The following VTCN1 variants were observed in gnomAD, a reference collection of about 807,000 sequenced individuals.
The protein encoded by VTCN1 is V-set domain containing T cell activation inhibitor 1.
Under a neutral mutation model 26.5 loss-of-function variants are expected in VTCN1, and 26 were observed. That is an observed-to-expected ratio of 0.98 (90% CI 0.72 to 1.36). The LOEUF is 1.36. VTCN1 is among the 40% of genes most tolerant of loss of function. The pLI, the probability that VTCN1 is intolerant of heterozygous loss-of-function variation, is 0.00. For synonymous variants in VTCN1, 116 were observed against 130.7 expected, an observed-to-expected ratio of 0.89 and a Z score of 0.77; for missense variants, 298 against 337.7, an observed-to-expected ratio of 0.88 and a Z score of 0.92.
chr1:117,159,731 A>G lies in VTCN1; in HGVS notation c.98-2810T>C, dbSNP rs931018273. On this transcript the variant is annotated intron_variant, in intron 2 of 5. Coordinates refer to ENST00000369458, the MANE Select transcript of VTCN1 (RefSeq NM_024626.4). This position sits in a 1 kb window ranked among gnomAD's most constrained non-coding sequence, Gnocchi z 4.7. The stretch of plus-strand genomic sequence containing the variant: ...GTCATTCTGAAAAATGCTGAATTCT[A>G]AAGTGCTGTAACTTTTATTTCTGTT... Among the ~76,000 whole-genome samples the G allele has an allele frequency of 2.0e-5, 3 of 152,236 alleles. No homozygotes were observed. Among genetic ancestry groups the G allele is most frequent in the Non-Finnish European group, 4.4e-5 (3 of 68,034 alleles).
chr1:117,147,670 C>T lies in VTCN1; in HGVS notation c.837G>A (p.Leu279=). ...SWALLPLSPY[L]MLK ...TGGCCGAGGCACATTATTTTAGCAT[C>T]AGGTAAGGGCTGAGAGGCAGAAGTG... The change falls in exon 5 of 6, where the codon CTG becomes CTA. Residue 279 remains leucine (L), a synonymous_variant. Transcript: ENST00000369458. This position sits in a 1 kb window ranked among gnomAD's most constrained non-coding sequence, Gnocchi z 4.6. 2 of 1,612,820 alleles carry T rather than the reference C, an allele frequency of 1.2e-6. No individual in the cohort carries two copies. The highest frequency in any genetic ancestry group is 1.7e-6 in the Non-Finnish European group (2 of 1,179,592).
chr1:117,190,792 A>G (rs1648206451), intron 1 of VTCN1, among the ~76,000 whole-genome samples: 1 of 152,208 alleles, frequency 6.6e-6, no homozygotes, highest in South Asian at 2.1e-4. Flanking sequence ...GCCAAAACCA[A>G]TCTATAAAGT....
At position 117,145,297 on chromosome 1, in the gene VTCN1, G is replaced by A. The variant is rs1651450325; in HGVS notation, c.*46-72C>T. Reference sequence around the variant, plus strand: ...ACAAAACAATTATTGAGAACTGAGAGCTTCCCTGCCACTGCGTGGTGTATC... The same window carrying A: ...ACAAAACAATTATTGAGAACTGAGAACTTCCCTGCCACTGCGTGGTGTATC... On this transcript the variant is annotated intron_variant, in intron 5 of 5. Coordinates refer to ENST00000369458, the MANE Select transcript of VTCN1 (RefSeq NM_024626.4). The surrounding 1 kb of genome is among the most constrained non-coding windows in gnomAD (Gnocchi z 4.6). 2 of 152,318 alleles carry A rather than the reference G, an allele frequency of 1.3e-5. No individual in the cohort carries two copies. Among genetic ancestry groups the A allele is most frequent in the Non-Finnish European group, 2.9e-5 (2 of 68,034 alleles). 9.4% of individuals were successfully genotyped at this position (152,318 alleles called of 1,614,324 possible).
At chr1:117,151,647 G>T (rs1485282030) in intron 4 of VTCN1, among the ~76,000 whole-genome samples, 2 of 152,144 alleles carry the variant, frequency 1.3e-5, no homozygotes, top group Non-Finnish European at 2.9e-5. Context: ...ACAGAGTGCT[G>T]ATTGGTGCAT....
chr1:117,202,090 A>G (rs1303052259), intron 1 of VTCN1, among the ~76,000 whole-genome samples: 1 of 152,128 alleles, frequency 6.6e-6, no homozygotes, highest in South Asian at 2.1e-4. Context: ...TACATGACTT[A>G]CCCTATCATG....
At chr1:117,168,606 G>A (rs1652734293) in intron 2 of VTCN1, among the ~76,000 whole-genome samples, 1 of 152,070 alleles carries the variant, frequency 6.6e-6, no homozygotes, top group Non-Finnish European at 1.5e-5. Flanking sequence ...CATTAAGAGA[G>A]TAAAAAAGCA....
At chr1:117,181,823 T>TGTGGTCACCAGTCAGC (rs1157367693) in intron 1 of VTCN1, among the ~76,000 whole-genome samples, 2 of 152,052 alleles carry the variant, frequency 1.3e-5, no homozygotes, top group Admixed American at 6.6e-5. Flanking sequence ...CATCAGTCAG[T>TGTGGTCACCAGTCAGC]GTGGTCATCA....
At chr1:117,187,360 A>G (rs192997425) in intron 1 of VTCN1, among the ~76,000 whole-genome samples, 2 of 151,512 alleles carry the variant, frequency 1.3e-5, no homozygotes, top group African/African-American at 2.4e-5. Flanking sequence ...CACTTTACCA[A>G]TTTAACAGTA....
At chr1:117,206,025 C>T (rs1452505393) in intron 1 of VTCN1, among the ~76,000 whole-genome samples, 1 of 152,120 alleles carries the variant, frequency 6.6e-6, no homozygotes, top group Non-Finnish European at 1.5e-5. Flanking sequence ...ACTTTTAATG[C>T]TCTATACTGG....
At chr1:117,193,942 C>T (rs955882064) in intron 1 of VTCN1, among the ~76,000 whole-genome samples, 4 of 152,058 alleles carry the variant, frequency 2.6e-5, no homozygotes, top group African/African-American at 9.7e-5. Flanking sequence ...GAAAAAAGCT[C>T]CCTTTGATGT....
At chr1:117,153,893 C>T (rs1292596846) in intron 3 of VTCN1, among the ~76,000 whole-genome samples, 1 of 152,152 alleles carries the variant, frequency 6.6e-6, no homozygotes, top group Non-Finnish European at 1.5e-5. Context: ...AGAGATTGTC[C>T]AGCTCTGGTA....
At chr1:117,199,817 G>T (rs1648706671) in intron 1 of VTCN1, among the ~76,000 whole-genome samples, 1 of 151,906 alleles carries the variant, frequency 6.6e-6, no homozygotes, top group Non-Finnish European at 1.5e-5. Flanking sequence ...TGTATTTTTA[G>T]TAGAGATGGG....
intron 2 of VTCN1, among the ~76,000 whole-genome samples, chr1:117,165,090 C>T (rs1652544363): frequency 1.3e-5 from 2 of 152,254 alleles, no homozygotes; most frequent in East Asian, 3.8e-4. Context: ...AACCATAAAA[C>T]ACCCTTCTCC....
chr1:117,210,683 C>T lies in VTCN1; in HGVS notation c.32+141G>A, dbSNP rs1191738667. 4 of 873,550 alleles carry T rather than the reference C, an allele frequency of 4.6e-6. No individual in the cohort carries two copies. The Admixed American group carries it at 8.4e-5, about 18-fold the overall frequency. The allele number at this position is 873,550 out of a possible 1,614,324, so 54.1% of individuals were successfully genotyped here. A position where few individuals can be genotyped will look rare whatever the true frequency, so the allele number is the denominator to read the frequency against. On this transcript the variant is annotated intron_variant, in intron 1 of 5. Coordinates refer to ENST00000369458, the MANE Select transcript of VTCN1 (RefSeq NM_024626.4). ...AAATCCAGTTAGGCTCTTGTCTGGC[C>T]AGGCTCCCGCTGGCCCAATGCTGGA...
At chr1:117,168,983 C>T (rs372762244) in intron 2 of VTCN1, among the ~76,000 whole-genome samples, 4 of 152,110 alleles carry the variant, frequency 2.6e-5, no homozygotes, top group East Asian at 3.8e-4. Context: ...TTCTTAGCTT[C>T]GACTTTGTGA....
rs1249270847 is a variant in VTCN1 at position 117,144,225 on chromosome 1, C to T, written c.*1046G>A. On this transcript the variant is annotated 3_prime_UTR_variant, in exon 6 of 6. Coordinates refer to ENST00000369458, the MANE Select transcript of VTCN1 (RefSeq NM_024626.4). The stretch of plus-strand genomic sequence containing the variant: ...CTTAGCCCTGACACAGTTGACACTT[C>T]GGATTGGGTAGTTGTAATGGGGAGA... The T allele has an allele frequency of 6.6e-6, 1 of 152,234 alleles. No homozygotes were observed. The highest frequency in any genetic ancestry group is 1.5e-5 in the Non-Finnish European group (1 of 68,086). The allele number at this position is 152,234 out of a possible 1,614,324, so 9.4% of individuals were successfully genotyped here.
intron 1 of VTCN1, among the ~76,000 whole-genome samples, chr1:117,205,144 T>TATA (rs1553214068): frequency 0.014 from 1,841 of 134,674 alleles, 32 homozygotes; most frequent in African/African-American, 0.038. Flanking sequence ...ATATATATTT[T>TATA]TATATATATA....
intron 1 of VTCN1, among the ~76,000 whole-genome samples, chr1:117,186,777 C>T (rs1647962464): frequency 2.0e-5 from 3 of 152,176 alleles, no homozygotes; most frequent in Admixed American, 6.5e-5. Context: ...TCTGGAATCC[C>T]AGCACCTTGA....
At chr1:117,189,148 T>G (rs1648111289) in intron 1 of VTCN1, among the ~76,000 whole-genome samples, 1 of 152,188 alleles carries the variant, frequency 6.6e-6, no homozygotes. Context: ...TACCAACTTC[T>G]ACCCTTCTTA....
Sources: allele counts gnomAD v4.1 joint callset (sites outside exome capture counted in the v4.1 genomes callset), GRCh38; gene constraint gnomAD v4.1.1; non-coding constraint Gnocchi (gnomAD v3.1); transcripts MANE v1.5; gene names NCBI Gene and HGNC (gene_info 2026-07-23, HGNC 2026-07-21).